The following PTPRM variants were observed in gnomAD, a reference collection of about 807,000 sequenced individuals.
PTPRM encodes receptor-type tyrosine-protein phosphatase mu.
PTPRM carries 47 observed loss-of-function variants against 186.7 expected under a neutral mutation model. That is an observed-to-expected ratio of 0.25 (90% CI 0.20 to 0.32). The LOEUF (loss-of-function observed/expected upper bound fraction) is 0.32, where lower values mean the gene tolerates loss of function less well. PTPRM is among the 10% of genes least tolerant of loss of function. The pLI, the probability that PTPRM is intolerant of heterozygous loss-of-function variation, is 1.00. For synonymous variants in PTPRM, 668 were observed against 674.9 expected, an observed-to-expected ratio of 0.99 and a Z score of 0.16; for missense variants, 1,494 against 1,865.0, an observed-to-expected ratio of 0.80 and a Z score of 3.66.
chr18:7,664,213 G>A (rs779517972), intron 1 of PTPRM, among the ~76,000 whole-genome samples: 1 of 152,220 alleles, frequency 6.6e-6, no homozygotes, highest in African/African-American at 2.4e-5. Flanking sequence ...AGATGAGGCA[G>A]CCCTCACTGT....
intron 7 of PTPRM, among the ~76,000 whole-genome samples, chr18:8,047,307 A>T (rs1942951): frequency 0.42 from 64,168 of 151,878 alleles, 15,160 homozygotes; most frequent in Non-Finnish European, 0.54. Context: ...AATAAAAAAA[A>T]TTTTTGTGGC....
rs150505812 is a variant in PTPRM, at chr18:7,759,558, C to G, written c.74-14591C>G. Among the ~76,000 whole-genome samples the G allele has an allele frequency of 5.5e-4, 84 of 152,274 alleles. No homozygotes were observed. In the East Asian group the frequency reaches 0.016, roughly 29 times the overall value. On this transcript the variant is annotated intron_variant, in intron 1 of 32. Coordinates refer to ENST00000580170, the MANE Select transcript of PTPRM (RefSeq NM_001105244.2). ...TATTATGAAGTCATTGAATTTGATACTGTCTTCTTTTTTTAAACTTATTTT... is the reference window on the plus strand; with the variant it reads ...TATTATGAAGTCATTGAATTTGATAGTGTCTTCTTTTTTTAAACTTATTTT...
chr18:7,576,162 A>G (rs2036682016), intron 1 of PTPRM, among the ~76,000 whole-genome samples: 1 of 152,238 alleles, frequency 6.6e-6, no homozygotes, highest in South Asian at 2.1e-4. Flanking sequence ...TTATTTCAAC[A>G]TGCACCAGCC....
intron 19 of PTPRM, among the ~76,000 whole-genome samples, chr18:8,258,037 G>A (rs1379981466): frequency 1.3e-5 from 2 of 152,162 alleles, no homozygotes; most frequent in African/African-American, 2.4e-5. Context: ...CCAGGGAGAT[G>A]CAATAATTTG....
intron 1 of PTPRM, among the ~76,000 whole-genome samples, chr18:7,578,565 G>T (rs1282865494): frequency 3.3e-5 from 5 of 151,890 alleles, no homozygotes; most frequent in Admixed American, 6.6e-5. Flanking sequence ...TCGATCTCCT[G>T]ACCTCGTGAT....
rs550135884 is a variant in PTPRM, at chr18:7,838,903, C to T, written c.197-49203C>T. The stretch of plus-strand genomic sequence containing the variant: ...ACAAGTTGTGGTCATTCCCACTCTT[C>T]CCTCCCCTTTCCAAAGGCAGAGGTG... On this transcript the variant is annotated intron_variant, in intron 2 of 32. Coordinates refer to ENST00000580170, the MANE Select transcript of PTPRM (RefSeq NM_001105244.2). 2.6e-4 allele frequency among the ~76,000 whole-genome samples: 39 copies of T among 152,332 alleles called. No homozygotes were observed. In the East Asian group the frequency reaches 6.8e-3, roughly 26 times the overall value.
chr18:7,567,711 T>C lies in PTPRM; in HGVS notation c.-108T>C. 2.0e-6 allele frequency: 2 copies of C among 998,246 alleles called. No individual in the cohort carries two copies. Among genetic ancestry groups the C allele is most frequent in the Non-Finnish European group, 2.8e-6 (2 of 718,784 alleles). The allele number at this position is 998,246 out of a possible 1,614,324, so 61.8% of individuals were successfully genotyped here. A position where few individuals can be genotyped will look rare whatever the true frequency, so the allele number is the denominator to read the frequency against. ...TTGGGGGCTTGGCTTAGCGCTCTGCTGTTTACCCGTCTCTCCTCGCTGCCT... is the reference window on the plus strand; with the variant it reads ...TTGGGGGCTTGGCTTAGCGCTCTGCCGTTTACCCGTCTCTCCTCGCTGCCT... On this transcript the variant is annotated 5_prime_UTR_variant, in exon 1 of 33. Coordinates refer to ENST00000580170, the MANE Select transcript of PTPRM (RefSeq NM_001105244.2). The surrounding 1 kb of genome is among the most constrained non-coding windows in gnomAD (Gnocchi z 4.3).
At chr18:8,027,632 A>G (rs1165184803) in intron 7 of PTPRM, among the ~76,000 whole-genome samples, 1 of 152,204 alleles carries the variant, frequency 6.6e-6, no homozygotes, top group Non-Finnish European at 1.5e-5. Flanking sequence ...TGGCAAAATA[A>G]CAAACCAACA....
intron 2 of PTPRM, among the ~76,000 whole-genome samples, chr18:7,811,356 T>A (rs1317253454): frequency 6.6e-6 from 1 of 152,102 alleles, no homozygotes; most frequent in African/African-American, 2.4e-5. Flanking sequence ...CTTGGGAGAC[T>A]CAAACTCTCT....
intron 14 of PTPRM, among the ~76,000 whole-genome samples, chr18:8,158,795 G>A (rs966972369): frequency 5.3e-5 from 8 of 152,192 alleles, no homozygotes; most frequent in Non-Finnish European, 8.8e-5. Context: ...CATGGCAAGA[G>A]CAGGAGCACG....
intron 2 of PTPRM, among the ~76,000 whole-genome samples, chr18:7,846,476 T>G (rs1372327972): frequency 6.6e-6 from 1 of 152,258 alleles, no homozygotes; most frequent in Admixed American, 6.5e-5. Context: ...GGTGTTGCTG[T>G]GGCAACTGGT....
chr18:7,734,222 AC>A (rs1212649772), intron 1 of PTPRM, among the ~76,000 whole-genome samples: 1 of 152,148 alleles, frequency 6.6e-6, no homozygotes, highest in Non-Finnish European at 1.5e-5. Context: ...GAGATCAAGC[AC>A]CCCAAATCTG....
chr18:8,162,131 C>A (rs1003369723), intron 14 of PTPRM, among the ~76,000 whole-genome samples: 3 of 150,094 alleles, frequency 2.0e-5, no homozygotes, highest in Non-Finnish European at 4.4e-5. Flanking sequence ...CGGAGTTTCA[C>A]TCTTGTTGCC....
chr18:8,253,269 A>G lies in PTPRM; in HGVS notation c.2609A>G (p.Gln870Arg), dbSNP rs1265572220. The change falls in exon 19 of 33, where the codon CAG (glutamine) becomes CGG (arginine). Residue 870 changes from glutamine (Q) to arginine (R), a missense_variant. By Grantham distance (43) the Gln-to-Arg change is conservative (BLOSUM62 1). Coordinates refer to ENST00000580170, the MANE Select transcript of PTPRM (RefSeq NM_001105244.2). ...GCCAGCGATACCAGCAGCCTGGTGC[A>G]GTCCCATACTTACAAGAAGCGAGAG... ...TMASDTSSLVQSHTYKKREPA... is the reference protein window; with the variant it reads ...TMASDTSSLVRSHTYKKREPA... The G allele has an allele frequency of 1.3e-6, 2 of 1,580,632 alleles. No homozygotes were observed. Among genetic ancestry groups the G allele is most frequent in the Admixed American group, 1.8e-5 (1 of 55,820 alleles).
intron 2 of PTPRM, among the ~76,000 whole-genome samples, chr18:7,775,695 A>C (rs1476532695): frequency 2.0e-5 from 3 of 152,190 alleles, no homozygotes; most frequent in African/African-American, 7.2e-5. Flanking sequence ...TCATTTGATA[A>C]AAAATTTGAA....
chr18:7,697,548 G>A (rs1283227696), intron 1 of PTPRM, among the ~76,000 whole-genome samples: 1 of 152,164 alleles, frequency 6.6e-6, no homozygotes, highest in African/African-American at 2.4e-5. Flanking sequence ...CAGATTTCTT[G>A]AAGTAGTACT....
At chr18:8,174,493 G>A (rs2093452475) in intron 14 of PTPRM, among the ~76,000 whole-genome samples, 1 of 152,146 alleles carries the variant, frequency 6.6e-6, no homozygotes, top group Non-Finnish European at 1.5e-5. Flanking sequence ...TGTAAGAATT[G>A]TAATATATTA....
intron 1 of PTPRM, among the ~76,000 whole-genome samples, chr18:7,695,543 A>G (rs1183079958): frequency 1.3e-5 from 2 of 152,244 alleles, no homozygotes; most frequent in Non-Finnish European, 1.5e-5. Context: ...CAATTTGCTC[A>G]ATCTTTCTGT....
At chr18:8,286,636 C>T (rs1177825651) in intron 19 of PTPRM, among the ~76,000 whole-genome samples, 6 of 152,178 alleles carry the variant, frequency 3.9e-5, no homozygotes, top group African/African-American at 1.4e-4. Flanking sequence ...AGGAGAGCCT[C>T]TATGACTCTA....
Sources: gnomAD v4.1 joint callset for allele counts (sites outside exome capture counted in the v4.1 genomes callset) on GRCh38, gnomAD v4.1.1 for gene constraint, Gnocchi (gnomAD v3.1) non-coding constraint, MANE v1.5 for transcripts, NCBI Gene and HGNC (gene_info 2026-07-23, HGNC 2026-07-21) for gene names.